IGFBP7: variants seen among roughly 807,000 people sequenced by gnomAD.
IGFBP7 encodes the protein insulin-like growth factor-binding protein 7.
In IGFBP7, 31 loss-of-function variants were observed where a neutral mutation model predicts 29.4. The ratio of observed to expected loss-of-function variants is 1.05; its 90% CI spans 0.79 to 1.42. The LOEUF (loss-of-function observed/expected upper bound fraction) is 1.42. Among genes scored for constraint, IGFBP7 ranks in the 40% most tolerant of loss-of-function variants. The pLI, the probability that IGFBP7 is intolerant of heterozygous loss-of-function variation, is 0.00. For missense variants in IGFBP7, 393 were observed against 395.5 expected, an observed-to-expected ratio of 0.99 and a Z score of 0.05; for synonymous variants, 172 against 174.9, an observed-to-expected ratio of 0.98 and a Z score of 0.13.
intron 1 of IGFBP7, among the ~76,000 whole-genome samples, chr4:57,048,206 C>G (rs150485676): frequency 0.01 from 1,530 of 152,228 alleles, 20 homozygotes; most frequent in African/African-American, 0.035. Context: ...CATCCACCAC[C>G]ACTCCCGGCT....
At chr4:57,075,955 G>A (rs1024507137) in intron 1 of IGFBP7, among the ~76,000 whole-genome samples, 27 of 152,102 alleles carry the variant, frequency 1.8e-4, no homozygotes, top group African/African-American at 4.8e-4. Context: ...CGAGAATTCA[G>A]GAATACGATA....
intron 4 of IGFBP7, 120 bp downstream of exon 4, chr4:57,032,306 A>G: frequency 6.7e-7 from 1 of 1,484,554 alleles, no homozygotes; most frequent in Non-Finnish European, 9.0e-7. Context: ...TAATGCCCTT[A>G]TGGGTTGCTA....
At chr4:57,085,694 G>C (rs914136701) in intron 1 of IGFBP7, among the ~76,000 whole-genome samples, 3 of 151,962 alleles carry the variant, frequency 2.0e-5, no homozygotes, top group Non-Finnish European at 4.4e-5. Flanking sequence ...TATGGGGTTT[G>C]GCCTTAATCT....
chr4:57,039,783 C>T (rs1311510876), intron 2 of IGFBP7, among the ~76,000 whole-genome samples: 1 of 149,998 alleles, frequency 6.7e-6, no homozygotes, highest in Admixed American at 6.7e-5. Flanking sequence ...CCTCACCATG[C>T]CCAGCTAATT....
At chr4:57,033,722 G>C (rs1724008330) in intron 2 of IGFBP7, among the ~76,000 whole-genome samples, 1 of 152,094 alleles carries the variant, frequency 6.6e-6, no homozygotes. Context: ...GGCTCTTCCT[G>C]CAACAGCTTC....
At chr4:57,087,565 C>T (rs1019377804) in intron 1 of IGFBP7, among the ~76,000 whole-genome samples, 8 of 152,054 alleles carry the variant, frequency 5.3e-5, no homozygotes, top group Non-Finnish European at 1.2e-4. Flanking sequence ...AGGAGTGGAC[C>T]AGAGGTATAT....
intron 1 of IGFBP7, among the ~76,000 whole-genome samples, chr4:57,046,343 G>C (rs1724361338): frequency 6.6e-6 from 1 of 151,996 alleles, no homozygotes; most frequent in Admixed American, 6.6e-5. Flanking sequence ...TCTACCTCAG[G>C]AGAGCACTGT....
chr4:57,087,599 C>T (rs1578644050), intron 1 of IGFBP7, among the ~76,000 whole-genome samples: 2 of 152,274 alleles, frequency 1.3e-5, no homozygotes, highest in Middle Eastern at 3.4e-3. Flanking sequence ...ATAACTGACA[C>T]AGCTATACGC....
chr4:57,093,338 T>A (rs1725683234), intron 1 of IGFBP7, among the ~76,000 whole-genome samples: 1 of 151,986 alleles, frequency 6.6e-6, no homozygotes, highest in African/African-American at 2.4e-5. Flanking sequence ...CTATCTCTAG[T>A]AAAAATACAA....
At chr4:57,049,317 C>T (rs972302358) in intron 1 of IGFBP7, among the ~76,000 whole-genome samples, 1 of 152,164 alleles carries the variant, frequency 6.6e-6, no homozygotes, top group Non-Finnish European at 1.5e-5. Context: ...TTTCTGTCCT[C>T]CAATATCATA....
At chr4:57,036,856 T>A (rs1040805719) in intron 2 of IGFBP7, among the ~76,000 whole-genome samples, 1 of 152,228 alleles carries the variant, frequency 6.6e-6, no homozygotes, top group African/African-American at 2.4e-5. Flanking sequence ...TCTAATAATC[T>A]ATCCAAAAAG....
At chr4:57,045,165 A>C (rs1355077408) in intron 1 of IGFBP7, among the ~76,000 whole-genome samples, 1 of 152,202 alleles carries the variant, frequency 6.6e-6, no homozygotes, top group African/African-American at 2.4e-5. Context: ...CATTTGGATT[A>C]TTCTAAGAAT....
At chr4:57,085,291 C>T (rs1338345003) in intron 1 of IGFBP7, among the ~76,000 whole-genome samples, 3 of 152,148 alleles carry the variant, frequency 2.0e-5, no homozygotes, top group Non-Finnish European at 4.4e-5. Flanking sequence ...TTTCCTTCTT[C>T]AGTGACTCCT....
chr4:57,098,589 G>A (rs932987168), intron 1 of IGFBP7, among the ~76,000 whole-genome samples: 2 of 152,132 alleles, frequency 1.3e-5, no homozygotes, highest in Non-Finnish European at 2.9e-5. Flanking sequence ...AGCAGAGAGG[G>A]GCCTCTGGCT....
At chr4:57,073,254 A>G (rs866407078) in intron 1 of IGFBP7, 1 of 378,602 alleles carries the variant, frequency 2.6e-6, no homozygotes, top group African/African-American at 2.5e-5. Context: ...TATTATTATT[A>G]TTAGTCTTTT....
At chr4:57,079,933 A>G (rs1234338181) in intron 1 of IGFBP7, among the ~76,000 whole-genome samples, 1 of 152,162 alleles carries the variant, frequency 6.6e-6, no homozygotes, top group Non-Finnish European at 1.5e-5. Context: ...TATGCTTATT[A>G]CCCCATTGTA....
In IGFBP7 at chr4:57,032,438, G is replaced by T. The variant is rs752551943; in HGVS notation, c.817C>A (p.Pro273Thr). 2 of 1,612,400 alleles carry T rather than the reference G, an allele frequency of 1.2e-6. No homozygotes were observed. Among genetic ancestry groups the T allele is most frequent in the East Asian group, 2.2e-5 (1 of 44,860 alleles). ...ITVVDALHEI[P>T]VKKGEGAEL is the part of the protein sequence containing the mutation. ...ATTTATTGTGTACCTTTTTTCACTG[G>T]TATTTCATGTAAGGCATCAACCACT... Residue 273 changes from proline to threonine, a missense_variant, in exon 4 of 5, where the codon CCA becomes ACA. Pro to Thr is a conservative substitution (Grantham distance 38, BLOSUM62 -1). Transcript: ENST00000295666.
intron 1 of IGFBP7, among the ~76,000 whole-genome samples, chr4:57,094,272 G>A (rs1020888719): frequency 1.3e-5 from 2 of 152,312 alleles, no homozygotes; most frequent in African/African-American, 4.8e-5. Flanking sequence ...GTAACCTTGT[G>A]TCCTGAGCTA....
At position 57,078,483 on chromosome 4, in the gene IGFBP7, C is replaced by T. The variant is rs1325727477; in HGVS notation, c.475+31394G>A. Among the ~76,000 whole-genome samples the T allele has an allele frequency of 2.7e-5, 4 of 150,126 alleles. No individual in the cohort carries two copies. In the East Asian group the frequency reaches 7.7e-4, roughly 29 times the overall value. On this transcript the variant is annotated intron_variant, in intron 1 of 4. Transcript: ENST00000295666. ...CGGTAAAACTCGATTTCAAACTTGT[C>T]TAAAAAAAAAAAAGAAAAATGGTAA... is the stretch of plus-strand genomic sequence containing the variant.
Sources: gnomAD v4.1 joint callset for allele counts (sites outside exome capture counted in the v4.1 genomes callset) on GRCh38, gnomAD v4.1.1 for gene constraint, MANE v1.5 for transcripts, NCBI Gene and HGNC (gene_info 2026-07-23, HGNC 2026-07-21) for gene names.